Variants in INKA2 observed in about 807,000 individuals in gnomAD.
INKA2 encodes the protein inka box actin regulator 2, also known as PAK4-inhibitor INKA2.
Under a neutral mutation model 9.8 loss-of-function variants are expected in INKA2, and 3 were observed. The ratio of observed to expected loss-of-function variants is 0.31; its 90% CI spans 0.14 to 0.79. The LOEUF (loss-of-function observed/expected upper bound fraction) is 0.79. INKA2 is among the 30% of genes least tolerant of loss of function. INKA2 has a pLI of 0.62. For missense variants in INKA2, 392 were observed against 384.4 expected (o/e 1.02, Z -0.17); for synonymous variants, 147 against 143.3 (o/e 1.03, Z -0.18).
chr1:111,728,038 TACACACACACAC>T (rs60867844), intron 1 of INKA2, among the ~76,000 whole-genome samples: 1,205 of 109,522 alleles, frequency 0.011, 17 homozygotes, highest in African/African-American at 0.035. Context: ...CCCCACCCCA[TACACACACACAC>T]ACACACACAC....
chr1:111,734,637 A>G (rs543278972), intron 1 of INKA2, among the ~76,000 whole-genome samples: 9 of 152,114 alleles, frequency 5.9e-5, no homozygotes, highest in Non-Finnish European at 1.3e-4. Flanking sequence ...CTTTCTCTGC[A>G]TTTTACCCTA....
At chr1:111,747,419 C>G (rs542062983) in intron 1 of INKA2, 3 of 151,448 alleles carry the variant, frequency 2.0e-5, no homozygotes, top group African/African-American at 7.3e-5. Context: ...CAGCTACACA[C>G]GCCCCCTGGT....
Position 111,726,883 on chromosome 1 carries a change from C to CA in INKA2, c.*84dup. On this transcript the variant is annotated 3_prime_UTR_variant, in exon 2 of 2. Transcript: ENST00000357260. Reference sequence around the variant, plus strand: ...AACTTGGAGTTGGGCTTTCGAGAGCCATACCGCCCACCCTCCCTCCTCCCC... The same window carrying CA: ...AACTTGGAGTTGGGCTTTCGAGAGCCAATACCGCCCACCCTCCCTCCTCCCC... 1 of 1,355,998 alleles carries CA rather than the reference C, an allele frequency of 7.4e-7. No individual in the cohort carries two copies. The highest frequency in any genetic ancestry group is 1.0e-6 in the Non-Finnish European group (1 of 983,238). The allele number at this position is 1,355,998 out of a possible 1,614,324, so 84.0% of individuals were successfully genotyped here. A position where few individuals can be genotyped will look rare whatever the true frequency, so the allele number is the denominator to read the frequency against.
intron 1 of INKA2, among the ~76,000 whole-genome samples, chr1:111,750,550 T>C (rs1016421723): frequency 2.6e-5 from 4 of 152,180 alleles, no homozygotes; most frequent in Non-Finnish European, 5.9e-5. Flanking sequence ...CATAAGCTAG[T>C]TGTGCTTTGC....
rs536508584 is a variant in INKA2 at position 111,724,880 on chromosome 1, C to T, written c.*2088G>A. ...CAGCCTAATCGGGGCAGTTTACACGCCCCCTAATAACCTCCATAGATGTGT... is the reference window on the plus strand; with the variant it reads ...CAGCCTAATCGGGGCAGTTTACACGTCCCCTAATAACCTCCATAGATGTGT... On this transcript the variant is annotated 3_prime_UTR_variant, in exon 2 of 2. Transcript: ENST00000357260. 2.0e-5 allele frequency: 3 copies of T among 152,252 alleles called. No individual in the cohort carries two copies. Among genetic ancestry groups the T allele is most frequent in the African/African-American group, 7.2e-5 (3 of 41,528 alleles). The allele number at this position is 152,252 out of a possible 1,614,324, so 9.4% of individuals were successfully genotyped here.
At chr1:111,730,393 C>A (rs1310688993) in intron 1 of INKA2, among the ~76,000 whole-genome samples, 2 of 152,192 alleles carry the variant, frequency 1.3e-5, no homozygotes, top group Non-Finnish European at 2.9e-5. Context: ...GATTTTTCCT[C>A]CCACAAATGT....
Position 111,726,218 on chromosome 1 carries a change from A to G in INKA2, c.*750T>C. On this transcript the variant is annotated 3_prime_UTR_variant, in exon 2 of 2. Transcript: ENST00000357260. Reference sequence around the variant, plus strand: ...TGCCTGCCTGCCTCGCTCACTTTCAAATGAGACCATGGAGATGAAAAGGCA... The same window carrying G: ...TGCCTGCCTGCCTCGCTCACTTTCAGATGAGACCATGGAGATGAAAAGGCA... The G allele has an allele frequency of 5.1e-6, 2 of 394,606 alleles. No individual in the cohort carries two copies. The highest frequency in any genetic ancestry group is 4.5e-6 in the Non-Finnish European group (1 of 223,662). The allele number at this position is 394,606 out of a possible 1,614,324, so 24.4% of individuals were successfully genotyped here.
At chr1:111,741,516 T>C (rs1663151040), upstream of INKA2, among the ~76,000 whole-genome samples, 1 of 152,220 alleles carries the variant, frequency 6.6e-6, no homozygotes, top group Non-Finnish European at 1.5e-5. Flanking sequence ...GAAGAAGTTC[T>C]GTAGTTGAAT....
chr1:111,736,190 T>A (rs914182608), intron 1 of INKA2, among the ~76,000 whole-genome samples: 3 of 152,212 alleles, frequency 2.0e-5, no homozygotes, highest in African/African-American at 7.2e-5. Flanking sequence ...CTCATTCTAA[T>A]GAAGAAGTGT....
At chr1:111,735,985 C>T (rs903965622) in intron 1 of INKA2, among the ~76,000 whole-genome samples, 2 of 152,166 alleles carry the variant, frequency 1.3e-5, no homozygotes, top group South Asian at 2.1e-4. Context: ...TCTGAACTCA[C>T]GAGGGATGCC....
chr1:111,730,904 T>C (rs115530246), intron 1 of INKA2, among the ~76,000 whole-genome samples: 1,948 of 152,234 alleles, frequency 0.013, 52 homozygotes, highest in African/African-American at 0.045. Context: ...CCAGGCTGCT[T>C]GCTACCCTCA....
At chr1:111,755,631 G>C (rs1445259814) in intron 1 of INKA2, 1 of 1,603,622 alleles carries the variant, frequency 6.2e-7, no homozygotes, top group Non-Finnish European at 8.5e-7. Flanking sequence ...CCAGAAGAGG[G>C]CCGAGAGGCG....
intron 1 of INKA2, among the ~76,000 whole-genome samples, chr1:111,734,890 C>T (rs1662981249): frequency 6.6e-6 from 1 of 152,188 alleles, no homozygotes; most frequent in East Asian, 1.9e-4. Flanking sequence ...TATAGCACAA[C>T]TCCTCTATTT....
chr1:111,731,532 T>C (rs534388737), intron 1 of INKA2, among the ~76,000 whole-genome samples: 2 of 152,146 alleles, frequency 1.3e-5, no homozygotes, highest in Middle Eastern at 3.4e-3. Context: ...TTTGTATTTT[T>C]GTAGAGATGG....
chr1:111,742,441 C>T (rs2101384118), upstream of INKA2, among the ~76,000 whole-genome samples: 1 of 152,258 alleles, frequency 6.6e-6, no homozygotes, highest in East Asian at 1.9e-4. Context: ...ACAAATTAGC[C>T]TGGTGCGGTG....
chr1:111,755,478 G>GATCT, intron 1 of INKA2: 1 of 574,678 alleles, frequency 1.7e-6, no homozygotes, highest in East Asian at 3.1e-5. Flanking sequence ...GGAGCGGGTA[G>GATCT]CGTTGGGGAA....
chr1:111,739,202 C>G lies in INKA2; in HGVS notation c.41G>C (p.Arg14Pro), dbSNP rs1446985862. ...ESREMDCYLR[R>P]LKQELMSMKE... ...CGCTCTTACCAGCTCCTGTTTGAGG[C>G]GACGGAGATAGCAGTCCATTTCCCT... The change falls in exon 1 of 2, where the codon CGC becomes CCC. Residue 14 changes from arginine to proline, a missense_variant. Physicochemically the swap from Arg to Pro is moderately radical, Grantham distance 103. Transcript: ENST00000357260. 1.2e-6 allele frequency: 2 copies of G among 1,613,660 alleles called. No homozygotes were observed. The highest frequency in any genetic ancestry group is 1.7e-6 in the Non-Finnish European group (2 of 1,179,764).
At chr1:111,731,147 G>A (rs1443124273) in intron 1 of INKA2, among the ~76,000 whole-genome samples, 1 of 152,150 alleles carries the variant, frequency 6.6e-6, no homozygotes, top group African/African-American at 2.4e-5. Context: ...TGAATGTGTG[G>A]GTATGCATGA....
rs1424022934 is a variant in INKA2 at position 111,723,257 on chromosome 1, G to A, written c.*3711C>T. The stretch of plus-strand genomic sequence containing the variant: ...AGCCTCTCCCCAACAAGGCCCTAGG[G>A]AGGAGATGGGGATGTGGAGAGGACA... On this transcript the variant is annotated 3_prime_UTR_variant, in exon 2 of 2. Coordinates refer to ENST00000357260, the MANE Select transcript of INKA2 (RefSeq NM_019099.5). 3.4e-5 allele frequency: 20 copies of A among 584,058 alleles called. No individual in the cohort carries two copies. Among genetic ancestry groups the A allele is most frequent in the Non-Finnish European group, 5.8e-5 (19 of 329,408 alleles). 36.2% of individuals were successfully genotyped at this position (584,058 alleles called of 1,614,324 possible).
Sources: gnomAD v4.1 joint callset for allele counts (sites outside exome capture counted in the v4.1 genomes callset) on GRCh38, gnomAD v4.1.1 for gene constraint, MANE v1.5 for transcripts, NCBI Gene and HGNC (gene_info 2026-07-23, HGNC 2026-07-21) for gene names.